The following KDM5A variants were observed in gnomAD, a reference collection of about 807,000 sequenced individuals.
KDM5A encodes lysine demethylase 5A.
Under a neutral mutation model 193.5 loss-of-function variants are expected in KDM5A, and 42 were observed. The ratio of observed to expected loss-of-function variants is 0.22; its 90% CI spans 0.17 to 0.28. The LOEUF is 0.28. Among genes scored for constraint, KDM5A ranks in the 10% least tolerant of loss-of-function variants. KDM5A has a pLI of 1.00. For missense variants in KDM5A, 1,692 were observed against 2,055.1 expected, an observed-to-expected ratio of 0.82 and a Z score of 3.42; for synonymous variants, 796 against 718.1, an observed-to-expected ratio of 1.11 and a Z score of -1.73.
intron 10 of KDM5A, among the ~76,000 whole-genome samples, chr12:345,138 A>T (rs1039803432): frequency 3.3e-5 from 5 of 152,198 alleles, no homozygotes; most frequent in African/African-American, 1.2e-4. Flanking sequence ...GATAAAACAG[A>T]CTTTGAACCA....
At chr12:361,311 T>TAGCC (rs1944292297) in intron 5 of KDM5A, among the ~76,000 whole-genome samples, 1 of 151,916 alleles carries the variant, frequency 6.6e-6, no homozygotes, top group Admixed American at 6.6e-5. Flanking sequence ...TCTCCTGCCT[T>TAGCC]AGCCTCCCGA....
chr12:352,992 C>A (rs946263558), intron 8 of KDM5A, among the ~76,000 whole-genome samples: 7 of 152,152 alleles, frequency 4.6e-5, no homozygotes, highest in African/African-American at 1.7e-4. Context: ...AATGACAACA[C>A]TGTAAGCTTT....
intron 6 of KDM5A, 116 bp from the exon 7 acceptor site, chr12:355,365 G>A (rs1944219114): frequency 1.4e-6 from 1 of 708,996 alleles, no homozygotes; most frequent in Non-Finnish European, 2.6e-6. Context: ...TTTATCTAGA[G>A]GTAGATATAC....
chr12:344,811 C>G (rs1944049565), intron 10 of KDM5A, among the ~76,000 whole-genome samples: 1 of 152,222 alleles, frequency 6.6e-6, no homozygotes, highest in South Asian at 2.1e-4. Flanking sequence ...ACTGCAGAAA[C>G]AAGCCAAATT....
chr12:376,776 C>G (rs1944510596), intron 3 of KDM5A, among the ~76,000 whole-genome samples: 1 of 152,004 alleles, frequency 6.6e-6, no homozygotes, highest in African/African-American at 2.4e-5. Context: ...TAAAAGCTCC[C>G]TCTAAAAAAA....
intron 10 of KDM5A, among the ~76,000 whole-genome samples, chr12:347,045 G>C (rs1297243669): frequency 6.6e-6 from 1 of 152,172 alleles, no homozygotes; most frequent in Non-Finnish European, 1.5e-5. Context: ...ATCTCCTTAA[G>C]CTGATAAGCA....
chr12:309,740 G>C (rs1450040642), intron 22 of KDM5A, 63 bp downstream of exon 22: 5 of 1,536,612 alleles, frequency 3.3e-6, no homozygotes, highest in Non-Finnish European at 4.5e-6. Flanking sequence ...CTGTGAGTCT[G>C]CTAATATCTC....
chr12:312,948 G>T, intron 20 of KDM5A, 108 bp downstream of exon 20: 1 of 1,214,970 alleles, frequency 8.2e-7, no homozygotes, highest in Non-Finnish European at 1.2e-6. Context: ...TCTAAGTTAG[G>T]GATCGTTTGT....
At chr12:309,766 T>G in intron 22 of KDM5A, 37 bp downstream of exon 22, 1 of 1,608,688 alleles carries the variant, frequency 6.2e-7, no homozygotes, top group South Asian at 1.1e-5. Context: ...AGTTTTGTAT[T>G]CACCAAGCAA....
intron 18 of KDM5A, 68 bp downstream of exon 18, chr12:320,927 C>A (rs1943709083): frequency 9.1e-7 from 1 of 1,098,662 alleles, no homozygotes; most frequent in African/African-American, 1.5e-5. Context: ...ATATACCATT[C>A]TGTGAAACCC....
chr12:330,935 A>G (rs1943856869), intron 13 of KDM5A, among the ~76,000 whole-genome samples: 2 of 152,170 alleles, frequency 1.3e-5, no homozygotes, highest in Non-Finnish European at 2.9e-5. Context: ...AATATACTGT[A>G]TAGTCTTCTC....
In KDM5A at chr12:360,863, T is replaced by G. The variant is rs952654050; in HGVS notation, c.672+2100A>C. 5.3e-5 allele frequency among the ~76,000 whole-genome samples: 8 copies of G among 152,230 alleles called. No homozygotes were observed. The South Asian group carries it at 8.3e-4, about 16-fold the overall frequency. ...GGTGGGAGAGAAAGATTTCTCAGTA[T>G]GCTGAAATCACTAAAGATGCCAGAA... On this transcript the variant is annotated intron_variant, in intron 5 of 27. Coordinates refer to ENST00000399788, the MANE Select transcript of KDM5A (RefSeq NM_001042603.3).
chr12:365,211 C>T (rs1047312125), intron 4 of KDM5A, among the ~76,000 whole-genome samples: 1 of 152,060 alleles, frequency 6.6e-6, no homozygotes, highest in Non-Finnish European at 1.5e-5. Flanking sequence ...CACCACCATA[C>T]CTGGCTAATT....
At chr12:359,348 G>C (rs1383293931) in intron 5 of KDM5A, among the ~76,000 whole-genome samples, 1 of 152,166 alleles carries the variant, frequency 6.6e-6, no homozygotes, top group Non-Finnish European at 1.5e-5. Flanking sequence ...AATGAACCAG[G>C]ATCCCTAGGA....
At chr12:348,920 T>TAA (rs1222209902) in intron 10 of KDM5A, among the ~76,000 whole-genome samples, 1 of 111,194 alleles carries the variant, frequency 9.0e-6, no homozygotes. Context: ...AATAAAAAAT[T>TAA]AAAAAAAAAA....
intron 7 of KDM5A, among the ~76,000 whole-genome samples, chr12:354,957 A>G (rs73604865): frequency 0.029 from 4,354 of 152,284 alleles, 147 homozygotes; most frequent in South Asian, 0.15. Flanking sequence ...CATAAGGTGT[A>G]TGACTTACAG....
At chr12:288,912 T>C (rs1943253481) in intron 27 of KDM5A, among the ~76,000 whole-genome samples, 1 of 152,238 alleles carries the variant, frequency 6.6e-6, no homozygotes, top group African/African-American at 2.4e-5. Flanking sequence ...CTCAACATCA[T>C]GCGCGTGCAC....
rs1325320523 is a variant in KDM5A, at chr12:280,463, GCT to G, written c.*4991_*4992del. The G allele has an allele frequency of 4.3e-6, 1 of 232,628 alleles. No homozygotes were observed. The highest frequency in any genetic ancestry group is 2.2e-5 in the African/African-American group (1 of 45,204). 14.4% of individuals were successfully genotyped at this position (232,628 alleles called of 1,614,324 possible). On this transcript the variant is annotated 3_prime_UTR_variant, in exon 28 of 28. Coordinates refer to ENST00000399788, the MANE Select transcript of KDM5A (RefSeq NM_001042603.3). ...TAATCAGATTCCCCTCCCTGCCCCC[GCT>G]CTTTCAACCAACCCTCCTCCTAACA...
chr12:346,239 G>A (rs1389739771), intron 10 of KDM5A, among the ~76,000 whole-genome samples: 2 of 152,116 alleles, frequency 1.3e-5, no homozygotes, highest in African/African-American at 2.4e-5. Context: ...TCTCTGAACA[G>A]ACCAATAGCA....
Sources: allele counts gnomAD v4.1 joint callset (sites outside exome capture counted in the v4.1 genomes callset), GRCh38; gene constraint gnomAD v4.1.1; transcripts MANE v1.5; gene names NCBI Gene and HGNC (gene_info 2026-07-23, HGNC 2026-07-21).